IL16: variants seen among roughly 807,000 people sequenced by gnomAD.
The protein encoded by IL16 is pro-interleukin-16.
IL16 carries 67 observed loss-of-function variants against 110.1 expected under a neutral mutation model. The observed-to-expected ratio is 0.61, with a 90% CI of 0.50 to 0.75. The LOEUF (loss-of-function observed/expected upper bound fraction) is 0.75, where lower values mean the gene tolerates loss of function less well. Ranked by LOEUF, IL16 falls within the 30% of genes least tolerant of loss-of-function variation. The probability of loss-of-function intolerance (pLI) is 0.00; values close to 1 mark genes in which losing one functional copy is unlikely to be tolerated. For synonymous variants in IL16, 689 were observed against 662.9 expected, an observed-to-expected ratio of 1.04 and a Z score of -0.61; for missense variants, 1,545 against 1,655.0, an observed-to-expected ratio of 0.93 and a Z score of 1.15.
chr15:81,195,511 T>C (rs1895574160), upstream of IL16, among the ~76,000 whole-genome samples: 1 of 152,178 alleles, frequency 6.6e-6, no homozygotes. Context: ...AGCCCTACAA[T>C]GTCCCCTGTG....
intron 5 of IL16, among the ~76,000 whole-genome samples, 168 bp from the exon 6 acceptor site, chr15:81,272,922 G>GTGT (rs67106640): frequency 0.054 from 8,092 of 150,060 alleles, 670 homozygotes; most frequent in African/African-American, 0.18. Flanking sequence ...GTTGTTGTTG[G>GTGT]TGTTGTTGTT....
chr15:81,201,825 G>A (rs769746775), intron 1 of IL16, among the ~76,000 whole-genome samples: 23 of 152,180 alleles, frequency 1.5e-4, no homozygotes, highest in South Asian at 1.0e-3. Flanking sequence ...ACACACACAC[G>A]CGCACACACT....
At chr15:81,220,283 T>G (rs545274952) in intron 1 of IL16, among the ~76,000 whole-genome samples, 6 of 152,182 alleles carry the variant, frequency 3.9e-5, no homozygotes, top group Non-Finnish European at 8.8e-5. Flanking sequence ...CACAGGCACA[T>G]GCCATCATGC....
At chr15:81,204,646 G>C (rs1432810060) in intron 1 of IL16, among the ~76,000 whole-genome samples, 1 of 151,702 alleles carries the variant, frequency 6.6e-6, no homozygotes, top group Non-Finnish European at 1.5e-5. Context: ...TAAATGACGA[G>C]TTAATGGGTG....
At chr15:81,299,206 G>A (rs905621592) in intron 13 of IL16, 174 bp from the exon 14 acceptor site, 2 of 989,612 alleles carry the variant, frequency 2.0e-6, no homozygotes, top group Non-Finnish European at 3.2e-6. Flanking sequence ...ACTCCTGCCT[G>A]TTGGCAGCTC....
rs1045036327 is a variant in IL16 at position 81,303,979 on chromosome 15, G to A, written c.3420+329G>A. 6.6e-6 allele frequency among the ~76,000 whole-genome samples: 1 copy of A among 152,182 alleles called. No homozygotes were observed. Among genetic ancestry groups the A allele is most frequent in the East Asian group, 1.9e-4 (1 of 5,192 alleles). The stretch of plus-strand genomic sequence containing the variant: ...TTGTGGAGCCATGCTGCGGCTGCTC[G>A]CTCTCTAAAGCCGAGTGCATTGCTG... On this transcript the variant is annotated intron_variant, in intron 16 of 18. Coordinates refer to ENST00000683961, the MANE Select transcript of IL16 (RefSeq NM_172217.5). This position sits in a 1 kb window ranked among gnomAD's most constrained non-coding sequence, Gnocchi z 4.1.
chr15:81,279,802 C>T, intron 8 of IL16, 28 bp downstream of exon 8: 3 of 1,589,966 alleles, frequency 1.9e-6, no homozygotes, highest in Non-Finnish European at 2.6e-6. Flanking sequence ...GTGTCCCGTG[C>T]CTGGGTCTCC....
chr15:81,308,994 C>T lies in IL16; in HGVS notation c.*196C>T. On this transcript the variant is annotated 3_prime_UTR_variant, in exon 19 of 19. Transcript: ENST00000683961. Reference sequence around the variant, plus strand: ...GTTGTTCCTAAAATAAGGGCAGAGTCACACGGGGGCAGCTGATACAAATTG... The same window carrying T: ...GTTGTTCCTAAAATAAGGGCAGAGTTACACGGGGGCAGCTGATACAAATTG... The T allele has an allele frequency of 2.0e-6, 1 of 499,158 alleles. No homozygotes were observed. The highest frequency in any genetic ancestry group is 3.5e-6 in the Non-Finnish European group (1 of 282,598). The allele number at this position is 499,158 out of a possible 1,614,324, so 30.9% of individuals were successfully genotyped here.
At chr15:81,205,161 C>T (rs987412504) in intron 1 of IL16, among the ~76,000 whole-genome samples, 1 of 151,932 alleles carries the variant, frequency 6.6e-6, no homozygotes, top group Non-Finnish European at 1.5e-5. Context: ...CAAAAATTAG[C>T]CGGGCATAGT....
At position 81,299,488 on chromosome 15, in the gene IL16, T is replaced by A; in HGVS notation, c.2162T>A (p.Ile721Asn). 1 of 1,614,122 alleles carries A rather than the reference T, an allele frequency of 6.2e-7. No homozygotes were observed. Among genetic ancestry groups the A allele is most frequent in the South Asian group, 1.1e-5 (1 of 91,082 alleles). ...CCTTGGGTTAGGATTTCTGACTGCA[T>A]CAAAAACTTATTTAGCCCCATCATG... ...EDPWVRISDC[I>N]KNLFSPIMSE... The change falls in exon 14 of 19, where the codon ATC becomes AAC. Residue 721 changes from isoleucine (I) to asparagine (N), a missense_variant. Coordinates refer to ENST00000683961, the MANE Select transcript of IL16 (RefSeq NM_172217.5).
At position 81,211,144 on chromosome 15, in the gene IL16, C is replaced by T. The variant is rs1391419253; in HGVS notation, c.-102+13992C>T. 4.6e-5 allele frequency among the ~76,000 whole-genome samples: 7 copies of T among 152,162 alleles called. No individual in the cohort carries two copies. The South Asian group carries it at 8.3e-4, about 18-fold the overall frequency. ...GTGCAATCATCGCGCACTGCAGCCT[C>T]AACATTCTGGGCCTGAGTGATCTTC... On this transcript the variant is annotated intron_variant, in intron 1 of 18. Transcript: ENST00000683961.
intron 2 of IL16, among the ~76,000 whole-genome samples, chr15:81,231,607 C>A (rs114434031): frequency 0.014 from 2,177 of 152,152 alleles, 58 homozygotes; most frequent in African/African-American, 0.05. Flanking sequence ...TTGTGCATTC[C>A]AGCAATCCAC....
intron 1 of IL16, among the ~76,000 whole-genome samples, chr15:81,219,003 G>A (rs1316367464): frequency 1.3e-5 from 2 of 151,308 alleles, no homozygotes; most frequent in African/African-American, 4.9e-5. Flanking sequence ...ATTTTCTTTA[G>A]CCTTCACGGT....
chr15:81,219,857 C>T (rs1365510474), intron 1 of IL16, among the ~76,000 whole-genome samples: 1 of 152,150 alleles, frequency 6.6e-6, no homozygotes, highest in Non-Finnish European at 1.5e-5. Flanking sequence ...CACTCATCTG[C>T]CGTTCATTCA....
At chr15:81,296,788 C>T (rs1036551700) in intron 12 of IL16, 140 bp from the exon 13 acceptor site, 7 of 722,186 alleles carry the variant, frequency 9.7e-6, no homozygotes, top group Admixed American at 3.0e-5. Flanking sequence ...AGAAAAGAAT[C>T]CTCTTTACAT....
At position 81,306,124 on chromosome 15, in the gene IL16, G is replaced by A. The variant is rs780600026; in HGVS notation, c.3637G>A (p.Ala1213Thr). 1.9e-6 allele frequency: 3 copies of A among 1,614,020 alleles called. No homozygotes were observed. Among genetic ancestry groups the A allele is most frequent in the Non-Finnish European group, 2.5e-6 (3 of 1,180,050 alleles). ...CGACCTCAACTCCTCCACTGACTCTGCAGCCTCAGCCTCTGCAGCCAGTGA... is the reference window on the plus strand; with the variant it reads ...CGACCTCAACTCCTCCACTGACTCTACAGCCTCAGCCTCTGCAGCCAGTGA... ...MPDLNSSTDS[A>T]ASASAASDVS... Residue 1213 changes from alanine to threonine, a missense_variant, in exon 17 of 19, where the codon GCA becomes ACA. By Grantham distance (58) the Ala-to-Thr change is moderately conservative (BLOSUM62 0). This residue lies in a region of IL16 where 356 missense variants were observed against 399.3 expected (regional missense o/e 0.89). Transcript: ENST00000683961.
At chr15:81,196,736 G>C, upstream of IL16, 1 of 666,356 alleles carries the variant, frequency 1.5e-6, no homozygotes, top group African/African-American at 2.0e-5. Context: ...GGTGTTGCCG[G>C]CCAGCCCAGC....
intron 2 of IL16, among the ~76,000 whole-genome samples, chr15:81,232,042 G>GTTTTTTTGTTTTTTT (rs1897008513): frequency 1.7e-5 from 1 of 57,692 alleles, no homozygotes; most frequent in Non-Finnish European, 3.3e-5. Context: ...ATTTGTTCTT[G>GTTTTTTTGTTTTTTT]TTTTTTTTTT....
chr15:81,291,006 T>A (rs968230840), intron 11 of IL16, among the ~76,000 whole-genome samples: 1 of 152,246 alleles, frequency 6.6e-6, no homozygotes, highest in Non-Finnish European at 1.5e-5. Flanking sequence ...ACATAATTTT[T>A]ATGCAAATTT....
Sources: allele counts gnomAD v4.1 joint callset (sites outside exome capture counted in the v4.1 genomes callset), GRCh38; gene constraint gnomAD v4.1.1; regional missense constraint gnomAD v4.1.1; non-coding constraint Gnocchi (gnomAD v3.1); transcripts MANE v1.5; gene names NCBI Gene and HGNC (gene_info 2026-07-23, HGNC 2026-07-21).